The following USP12 variants were observed in gnomAD, a reference collection of about 807,000 sequenced individuals.
USP12 encodes the protein ubiquitin carboxyl-terminal hydrolase 12.
Under a neutral mutation model 45.5 loss-of-function variants are expected in USP12, and 19 were observed. The ratio of observed to expected loss-of-function variants is 0.42; its 90% CI spans 0.29 to 0.61. The LOEUF is 0.61. USP12 is among the 20% of genes least tolerant of loss of function. USP12 has a pLI of 0.22. For synonymous variants in USP12, 149 were observed against 148.8 expected (o/e 1.00, Z -0.01); for missense variants, 242 against 447.7 (o/e 0.54, Z 4.15).
chr13:27,137,046 G>A (rs1024636970), intron 1 of USP12, among the ~76,000 whole-genome samples: 8 of 152,138 alleles, frequency 5.3e-5, no homozygotes, highest in African/African-American at 1.9e-4. Context: ...ATGATTAACT[G>A]CCAAATAAGT....
At chr13:27,139,226 G>A (rs1322135310) in intron 1 of USP12, among the ~76,000 whole-genome samples, 1 of 152,152 alleles carries the variant, frequency 6.6e-6, no homozygotes, top group Admixed American at 6.5e-5. Context: ...CTTCATCTGA[G>A]TAATTAATTT....
chr13:27,152,284 C>T (rs1267611135), intron 1 of USP12, among the ~76,000 whole-genome samples: 1 of 152,110 alleles, frequency 6.6e-6, no homozygotes, highest in Admixed American at 6.5e-5. Flanking sequence ...CACAATGGAA[C>T]AATATTTGTC....
chr13:27,086,415 T>C (rs981452932), intron 6 of USP12, among the ~76,000 whole-genome samples: 2 of 151,608 alleles, frequency 1.3e-5, no homozygotes, highest in Admixed American at 1.3e-4. Context: ...GATAGCATTT[T>C]AGGGACTATG....
At chr13:27,074,690 T>C (rs1407189075) in intron 7 of USP12, among the ~76,000 whole-genome samples, 1 of 152,170 alleles carries the variant, frequency 6.6e-6, no homozygotes, top group Non-Finnish European at 1.5e-5. Flanking sequence ...AGAGAAGATG[T>C]GTATACCATG....
At position 27,071,093 on chromosome 13, in the gene USP12, A is replaced by G; in HGVS notation, c.989T>C (p.Leu330Ser). ...TACTTCTACAATGTCGTCATCAAACAACAACCAAAAATCATGACTCTTAAC... is the reference window on the plus strand; with the variant it reads ...TACTTCTACAATGTCGTCATCAAACGACAACCAAAAATCATGACTCTTAAC... The part of the protein sequence containing the change: ...AIVKSHDFWL[L>S]FDDDIVEKID... The change falls in exon 8 of 9, where the codon TTG (leucine) becomes TCG (serine). Residue 330 changes from leucine (L) to serine (S), a missense_variant. Coordinates refer to ENST00000282344, the MANE Select transcript of USP12 (RefSeq NM_182488.4). The G allele has an allele frequency of 6.2e-7, 1 of 1,609,968 alleles. No homozygotes were observed. Among genetic ancestry groups the G allele is most frequent in the South Asian group, 1.1e-5 (1 of 89,878 alleles).
At chr13:27,109,892 A>G (rs1875340161) in intron 2 of USP12, among the ~76,000 whole-genome samples, 1 of 130,810 alleles carries the variant, frequency 7.6e-6, no homozygotes, top group African/African-American at 2.9e-5. Context: ...AGCCTGGGCG[A>G]CACAGTGAGA....
chr13:27,075,902 C>A (rs1050468412), intron 6 of USP12, among the ~76,000 whole-genome samples: 1 of 151,882 alleles, frequency 6.6e-6, no homozygotes, highest in Admixed American at 6.6e-5. Flanking sequence ...TAGTGGCAGG[C>A]GCCCATAGTC....
At chr13:27,124,095 T>C (rs920284796) in intron 1 of USP12, among the ~76,000 whole-genome samples, 4 of 152,194 alleles carry the variant, frequency 2.6e-5, no homozygotes, top group African/African-American at 9.7e-5. Context: ...TATCCTGCAA[T>C]TAAATAATTT....
chr13:27,081,144 T>C (rs1306675613), intron 6 of USP12, among the ~76,000 whole-genome samples: 1 of 151,474 alleles, frequency 6.6e-6, no homozygotes, highest in African/African-American at 2.4e-5. Flanking sequence ...GTCTGCCACA[T>C]CAACTGGCTT....
At chr13:27,167,597 C>A (rs1878406068) in intron 1 of USP12, among the ~76,000 whole-genome samples, 1 of 151,786 alleles carries the variant, frequency 6.6e-6, no homozygotes, top group Non-Finnish European at 1.5e-5. Context: ...ATTAACACAG[C>A]AAAATTAGAT....
At chr13:27,139,003 T>A (rs1876934873) in intron 1 of USP12, among the ~76,000 whole-genome samples, 1 of 152,148 alleles carries the variant, frequency 6.6e-6, no homozygotes, top group African/African-American at 2.4e-5. Context: ...TACAATCGCA[T>A]CCTATATATT....
intron 6 of USP12, among the ~76,000 whole-genome samples, chr13:27,087,229 TAAGTA>T: frequency 7.4e-6 from 1 of 134,978 alleles, no homozygotes; most frequent in East Asian, 2.2e-4. Flanking sequence ...ACCGACCAAA[TAAGTA>T]AATATAGTGG....
At chr13:27,071,603 A>G (rs1157521794) in intron 7 of USP12, among the ~76,000 whole-genome samples, 1 of 152,178 alleles carries the variant, frequency 6.6e-6, no homozygotes, top group Non-Finnish European at 1.5e-5. Context: ...ATGATGCTTG[A>G]AACAGGCAAG....
intron 6 of USP12, among the ~76,000 whole-genome samples, chr13:27,087,535 G>A (rs930956346): frequency 1.3e-5 from 2 of 152,220 alleles, no homozygotes; most frequent in Admixed American, 1.3e-4. Flanking sequence ...AAAAGTGTGT[G>A]TGTATTTATA....
Position 27,129,711 on chromosome 13 carries a change from A to AATAAAT in USP12, c.49-13121_49-13116dup, listed in dbSNP as rs1177808375. Among the ~76,000 whole-genome samples the AATAAAT allele has an allele frequency of 6.6e-6, 1 of 152,164 alleles. No homozygotes were observed. Among genetic ancestry groups the AATAAAT allele is most frequent in the Admixed American group, 6.5e-5 (1 of 15,288 alleles). On this transcript the variant is annotated intron_variant, in intron 1 of 8. Transcript: ENST00000282344. The surrounding 1 kb of genome is among the most constrained non-coding windows in gnomAD (Gnocchi z 4.0). ...CTTAATAATAATAATAGCAAATAAA[A>AATAAAT]ATAAATGTATGCATAATTTTTGTGA...
intron 1 of USP12, among the ~76,000 whole-genome samples, chr13:27,148,813 C>CACACACACACACACACAA (rs1237028314): frequency 1.3e-5 from 2 of 150,896 alleles, no homozygotes; most frequent in Admixed American, 6.6e-5. Context: ...CACACACACA[C>CACACACACACACACACAA]AAAAATCAGG....
At position 27,088,374 on chromosome 13, in the gene USP12, A is replaced by G. The variant is rs531021073; in HGVS notation, c.734+1509T>C. Among the ~76,000 whole-genome samples, 914 of 134,606 alleles carry G rather than the reference A, an allele frequency of 6.8e-3. 4 individuals are homozygous for G. The highest frequency in any genetic ancestry group is 0.021 in the Middle Eastern group (4 of 192). The allele number at this position is 134,606 out of a possible 152,430, so 88.3% of individuals were successfully genotyped here. A position where few individuals can be genotyped will look rare whatever the true frequency, so the allele number is the denominator to read the frequency against. On this transcript the variant is annotated intron_variant, in intron 6 of 8. Transcript: ENST00000282344. ...GGAGCTTGCAGTGAGCCGAGATCGC[A>G]CCACTGCACTCCAGCCTGGGCGACA...
At chr13:27,116,370 C>A in intron 2 of USP12, 146 bp downstream of exon 2, 6 of 440,992 alleles carry the variant, frequency 1.4e-5, no homozygotes, top group Non-Finnish European at 1.8e-5. Flanking sequence ...CCTTAAAGAT[C>A]ATTTCAAAAT....
intron 1 of USP12, among the ~76,000 whole-genome samples, chr13:27,130,358 G>A (rs531162543): frequency 6.6e-6 from 1 of 152,166 alleles, no homozygotes; most frequent in East Asian, 1.9e-4. Flanking sequence ...GAGATAGTAA[G>A]ACAGAAACTT....
Sources: allele counts gnomAD v4.1 joint callset (sites outside exome capture counted in the v4.1 genomes callset), GRCh38; gene constraint gnomAD v4.1.1; non-coding constraint Gnocchi (gnomAD v3.1); transcripts MANE v1.5; gene names NCBI Gene and HGNC (gene_info 2026-07-23, HGNC 2026-07-21).